THSD7A: variants seen among roughly 807,000 people sequenced by gnomAD.
THSD7A encodes the protein thrombospondin type 1 domain containing 7A, also known as thrombospondin type-1 domain-containing protein 7A.
THSD7A carries 96 observed loss-of-function variants against 231.3 expected under a neutral mutation model. That is an observed-to-expected ratio of 0.41 (90% confidence interval 0.35 to 0.49). The LOEUF (loss-of-function observed/expected upper bound fraction) is 0.49. THSD7A is among the 20% of genes least tolerant of loss of function. The pLI, the probability that THSD7A is intolerant of heterozygous loss-of-function variation, is 0.05. For missense variants in THSD7A, 2,290 were observed against 2,070.2 expected, an observed-to-expected ratio of 1.11 and a Z score of -2.06; for synonymous variants, 940 against 743.3, an observed-to-expected ratio of 1.26 and a Z score of -4.30.
At chr7:11,626,652 T>C (rs935515477) in intron 2 of THSD7A, among the ~76,000 whole-genome samples, 2 of 152,032 alleles carry the variant, frequency 1.3e-5, no homozygotes, top group Non-Finnish European at 2.9e-5. Flanking sequence ...CTTTGTGGCT[T>C]GAAGATATAA....
At chr7:11,780,730 C>G (rs1237939282) in intron 1 of THSD7A, among the ~76,000 whole-genome samples, 1 of 152,116 alleles carries the variant, frequency 6.6e-6, no homozygotes, top group Non-Finnish European at 1.5e-5. Flanking sequence ...TTGTTTTAAG[C>G]CACTGAGTTT....
chr7:11,588,227 T>G (rs1779998240), intron 4 of THSD7A, among the ~76,000 whole-genome samples: 1 of 152,182 alleles, frequency 6.6e-6, no homozygotes, highest in Non-Finnish European at 1.5e-5. Context: ...ATTTATAGAC[T>G]TCGCATGTCA....
At chr7:11,697,999 G>A (rs1205800811) in intron 1 of THSD7A, among the ~76,000 whole-genome samples, 1 of 151,358 alleles carries the variant, frequency 6.6e-6, no homozygotes, top group African/African-American at 2.4e-5. Flanking sequence ...AGTTGATCTG[G>A]AAGCTGTTGA....
chr7:11,783,767 G>C (rs551908026), intron 1 of THSD7A, among the ~76,000 whole-genome samples: 10 of 152,108 alleles, frequency 6.6e-5, no homozygotes, highest in South Asian at 2.1e-4. Context: ...TCCCTAAATA[G>C]TCCAAAAATA....
At chr7:11,781,244 G>C (rs569612417) in intron 1 of THSD7A, among the ~76,000 whole-genome samples, 2 of 151,104 alleles carry the variant, frequency 1.3e-5, no homozygotes, top group Non-Finnish European at 3.0e-5. Flanking sequence ...CAAGCCGGGT[G>C]TTCAAGACCT....
chr7:11,748,166 C>CTGAG (rs1434990826), intron 1 of THSD7A, among the ~76,000 whole-genome samples: 2 of 151,858 alleles, frequency 1.3e-5, no homozygotes, highest in African/African-American at 4.8e-5. Context: ...GTGTGAGGGC[C>CTGAG]TGAGTATCAC....
At chr7:11,728,518 A>AT (rs140355966) in intron 1 of THSD7A, among the ~76,000 whole-genome samples, 3,479 of 152,004 alleles carry the variant, frequency 0.023, 116 homozygotes, top group African/African-American at 0.079. Flanking sequence ...AAGCTGATTC[A>AT]TTTTTTCCTG....
At chr7:11,751,940 C>T (rs1033695818) in intron 1 of THSD7A, among the ~76,000 whole-genome samples, 1 of 152,104 alleles carries the variant, frequency 6.6e-6, no homozygotes, top group Admixed American at 6.5e-5. Flanking sequence ...AGGGTAACCA[C>T]TTGCAGCTTA....
intron 19 of THSD7A, among the ~76,000 whole-genome samples, chr7:11,408,645 T>C (rs929258053): frequency 6.6e-6 from 1 of 152,220 alleles, no homozygotes; most frequent in Non-Finnish European, 1.5e-5. Flanking sequence ...TTATATTTTC[T>C]AATTTATACA....
At chr7:11,573,012 TC>T (rs946757462) in intron 4 of THSD7A, among the ~76,000 whole-genome samples, 2 of 152,178 alleles carry the variant, frequency 1.3e-5, no homozygotes, top group African/African-American at 4.8e-5. Context: ...TATTGGCAGA[TC>T]CTACTGATCT....
intron 6 of THSD7A, among the ~76,000 whole-genome samples, chr7:11,523,657 A>G (rs562589233): frequency 3.6e-4 from 55 of 152,240 alleles, no homozygotes; most frequent in African/African-American, 1.3e-3. Flanking sequence ...TGATCAAACA[A>G]TAGAAAAGTT....
chr7:11,390,678 T>A (rs998663142), intron 23 of THSD7A, among the ~76,000 whole-genome samples: 1 of 152,172 alleles, frequency 6.6e-6, no homozygotes. Context: ...GGCATTCTGG[T>A]TTTTGAAATT....
In THSD7A at chr7:11,668,851, C is replaced by T. The variant is rs545709000; in HGVS notation, c.191-31890G>A. ...TTTAAAGCCAAAGAATGAGGCTGGG[C>T]GCTACTGGTTACTATATATAGGGTG... is the stretch of plus-strand genomic sequence containing the variant. On this transcript the variant is annotated intron_variant, in intron 1 of 27. Transcript: ENST00000423059. Among the ~76,000 whole-genome samples, 20 of 152,226 alleles carry T rather than the reference C, an allele frequency of 1.3e-4. No individual in the cohort carries two copies. The East Asian group carries it at 3.5e-3, about 26-fold the overall frequency.
At position 11,744,068 on chromosome 7, in the gene THSD7A, G is replaced by A. The variant is rs1012967919; in HGVS notation, c.190+87689C>T. Among the ~76,000 whole-genome samples the A allele has an allele frequency of 2.0e-5, 3 of 151,938 alleles. No individual in the cohort carries two copies. In the East Asian group the frequency reaches 5.8e-4, roughly 30 times the overall value. ...GTGGTTCTTATGTTATTTCCTTCTA[G>A]AGATGCCCTGATTTTTAAGGAACCC... On this transcript the variant is annotated intron_variant, in intron 1 of 27. Transcript: ENST00000423059.
At chr7:11,776,019 ATT>A (rs1359293575) in intron 1 of THSD7A, among the ~76,000 whole-genome samples, 3 of 152,210 alleles carry the variant, frequency 2.0e-5, no homozygotes, top group Non-Finnish European at 4.4e-5. Flanking sequence ...GAGATTTGAT[ATT>A]CTTTTAAAAC....
intron 2 of THSD7A, among the ~76,000 whole-genome samples, chr7:11,627,405 C>T (rs546035222): frequency 2.0e-5 from 3 of 151,718 alleles, no homozygotes; most frequent in South Asian, 4.2e-4. Context: ...TATATACATA[C>T]AAAATGTATA....
At chr7:11,740,788 C>G (rs1319197452) in intron 1 of THSD7A, among the ~76,000 whole-genome samples, 1 of 151,860 alleles carries the variant, frequency 6.6e-6, no homozygotes, top group Non-Finnish European at 1.5e-5. Context: ...CATTTGTTTC[C>G]TTCAGCATCT....
intron 6 of THSD7A, among the ~76,000 whole-genome samples, chr7:11,516,430 C>T (rs929922115): frequency 6.6e-6 from 1 of 152,106 alleles, no homozygotes; most frequent in Non-Finnish European, 1.5e-5. Flanking sequence ...GCTAGCTCTG[C>T]CAGAAGAAAA....
At position 11,474,688 on chromosome 7, in the gene THSD7A, G is replaced by T; in HGVS notation, c.2018-120C>A. ...AAGTGACTTTTCTTCCCCACATCAA[G>T]TTCATAAATACACGCAATATTTATG... On this transcript the variant is annotated intron_variant, in intron 7 of 27. Transcript: ENST00000423059. This position sits in a 1 kb window ranked among gnomAD's most constrained non-coding sequence, Gnocchi z 4.1. The T allele has an allele frequency of 2.7e-6, 2 of 750,544 alleles. No homozygotes were observed. Among genetic ancestry groups the T allele is most frequent in the Non-Finnish European group, 2.1e-6 (1 of 471,774 alleles). The allele number at this position is 750,544 out of a possible 1,614,324, so 46.5% of individuals were successfully genotyped here.
Sources: gnomAD v4.1 joint callset for allele counts (sites outside exome capture counted in the v4.1 genomes callset) on GRCh38, gnomAD v4.1.1 for gene constraint, Gnocchi (gnomAD v3.1) non-coding constraint, MANE v1.5 for transcripts, NCBI Gene and HGNC (gene_info 2026-07-23, HGNC 2026-07-21) for gene names.